CTNNA3: variants seen among roughly 807,000 people sequenced by gnomAD.
The protein encoded by CTNNA3 is catenin alpha 3.
In CTNNA3, 76 loss-of-function variants were observed where a neutral mutation model predicts 95.7. The observed-to-expected ratio is 0.79, with a 90% confidence interval of 0.66 to 0.96. CTNNA3 has a LOEUF of 0.96. CTNNA3 is among the 40% of genes least tolerant of loss of function. CTNNA3 has a pLI of 0.00. For synonymous variants in CTNNA3, 431 were observed against 374.4 expected, an observed-to-expected ratio of 1.15 and a Z score of -1.74; for missense variants, 1,191 against 1,089.8, an observed-to-expected ratio of 1.09 and a Z score of -1.31.
At chr10:66,352,076 AC>A (rs1359578040) in intron 12 of CTNNA3, among the ~76,000 whole-genome samples, 1 of 152,094 alleles carries the variant, frequency 6.6e-6, no homozygotes, top group Non-Finnish European at 1.5e-5. Flanking sequence ...TTTCATTCTG[AC>A]TTAGTTAAGA....
intron 13 of CTNNA3, among the ~76,000 whole-genome samples, chr10:66,114,178 C>A (rs1307613856): frequency 6.6e-6 from 1 of 152,082 alleles, no homozygotes; most frequent in Non-Finnish European, 1.5e-5. Context: ...CAAATAAACT[C>A]TACATATGTG....
At chr10:66,590,109 A>T (rs912366759) in intron 10 of CTNNA3, among the ~76,000 whole-genome samples, 3 of 152,102 alleles carry the variant, frequency 2.0e-5, no homozygotes, top group Non-Finnish European at 4.4e-5. Flanking sequence ...ATAATGTAAA[A>T]TATCTGTTAT....
chr10:66,323,305 C>T (rs985620089), intron 12 of CTNNA3, among the ~76,000 whole-genome samples: 4 of 151,714 alleles, frequency 2.6e-5, no homozygotes, highest in African/African-American at 7.3e-5. Flanking sequence ...ATTTTTTTAA[C>T]ATGCCATTTG....
At chr10:66,476,211 A>G (rs1187515944) in intron 11 of CTNNA3, among the ~76,000 whole-genome samples, 1 of 151,928 alleles carries the variant, frequency 6.6e-6, no homozygotes, top group Non-Finnish European at 1.5e-5. Context: ...TCTTATCAGC[A>G]GGAACGGGGG....
rs192707026 is a variant in CTNNA3 at position 66,637,079 on chromosome 10, A to C, written c.1282-15295T>G. On this transcript the variant is annotated intron_variant, in intron 9 of 17. Coordinates refer to ENST00000433211, the MANE Select transcript of CTNNA3 (RefSeq NM_013266.4). ...CTAAAAATAAGACTGTCATATAAAA[A>C]TGTGTTGATAGAAAACATAGAAGTT... Among the ~76,000 whole-genome samples, 3 of 152,318 alleles carry C rather than the reference A, an allele frequency of 2.0e-5. No homozygotes were observed. The East Asian group carries it at 5.8e-4, about 29-fold the overall frequency.
chr10:67,098,242 CAG>C (rs1161205652), intron 7 of CTNNA3: 2 of 157,656 alleles, frequency 1.3e-5, no homozygotes, highest in East Asian at 1.8e-4. Flanking sequence ...TTGTGTTATT[CAG>C]AGTTACTCAG....
At chr10:66,743,606 T>C (rs972525548) in intron 9 of CTNNA3, among the ~76,000 whole-genome samples, 3 of 152,102 alleles carry the variant, frequency 2.0e-5, no homozygotes, top group Admixed American at 6.6e-5. Flanking sequence ...TGGTGTGAGG[T>C]ACTTCTAGTT....
At chr10:67,097,435 G>A (rs1024155352) in intron 7 of CTNNA3, 3 of 629,410 alleles carry the variant, frequency 4.8e-6, no homozygotes, top group Non-Finnish European at 8.4e-6. Flanking sequence ...TAGGAATAGG[G>A]GGCATTAGCG....
chr10:66,867,156 T>A (rs1366504658), intron 7 of CTNNA3, among the ~76,000 whole-genome samples: 1 of 152,162 alleles, frequency 6.6e-6, no homozygotes. Flanking sequence ...CTCAGGTATG[T>A]CTTCATCAGC....
chr10:67,323,331 A>G (rs1004579681), intron 5 of CTNNA3, among the ~76,000 whole-genome samples: 3 of 152,044 alleles, frequency 2.0e-5, no homozygotes, highest in Non-Finnish European at 4.4e-5. Flanking sequence ...TTTTCTCTTC[A>G]GGGTTTTTAT....
intron 7 of CTNNA3, among the ~76,000 whole-genome samples, chr10:66,796,162 T>TC (rs1841182392): frequency 6.6e-6 from 1 of 152,132 alleles, no homozygotes; most frequent in Non-Finnish European, 1.5e-5. Context: ...AGGCCTAGCG[T>TC]TTGGCCTGTC....
intron 8 of CTNNA3, among the ~76,000 whole-genome samples, chr10:66,769,470 G>A (rs535597524): frequency 6.6e-6 from 1 of 152,338 alleles, no homozygotes; most frequent in African/African-American, 2.4e-5. Flanking sequence ...TCACTATTAT[G>A]AACTACATTA....
At chr10:67,649,284 C>T (rs921465716) in intron 1 of CTNNA3, among the ~76,000 whole-genome samples, 1 of 152,106 alleles carries the variant, frequency 6.6e-6, no homozygotes, top group Admixed American at 6.5e-5. Context: ...GTGAAATTCA[C>T]GACTGGTTTC....
intron 7 of CTNNA3, among the ~76,000 whole-genome samples, chr10:66,789,904 A>C (rs1840901094): frequency 6.6e-6 from 1 of 152,242 alleles, no homozygotes; most frequent in South Asian, 2.1e-4. Context: ...TGTATTTAAG[A>C]AATCAGTGTT....
intron 7 of CTNNA3, among the ~76,000 whole-genome samples, chr10:67,013,750 G>C (rs1852482337): frequency 6.6e-6 from 1 of 152,140 alleles, no homozygotes; most frequent in African/African-American, 2.4e-5. Flanking sequence ...GAGGTTGACA[G>C]TTACTCTGAT....
At chr10:67,709,469 G>C (rs1240025695) in intron 1 of CTNNA3, among the ~76,000 whole-genome samples, 2 of 152,048 alleles carry the variant, frequency 1.3e-5, no homozygotes, top group African/African-American at 4.8e-5. Flanking sequence ...AGTTTCTTTG[G>C]ACTGACAAAG....
In CTNNA3 at chr10:66,168,357, ATT is replaced by A. The variant is rs34153544; in HGVS notation, c.1885-65110_1885-65109del. Among the ~76,000 whole-genome samples the A allele has an allele frequency of 2.9e-3, 434 of 151,798 alleles. 5 individuals carry two copies. Among genetic ancestry groups the A allele is most frequent in the African/African-American group, 9.9e-3 (410 of 41,392 alleles). ...CATCTAGTTAAGGTATCCATTTATT[ATT>A]TTTTTTTAAAAAAATACACATAGTC... On this transcript the variant is annotated intron_variant, in intron 13 of 17. Transcript: ENST00000433211.
At chr10:67,248,678 C>T (rs1402901976) in intron 5 of CTNNA3, among the ~76,000 whole-genome samples, 1 of 152,150 alleles carries the variant, frequency 6.6e-6, no homozygotes, top group East Asian at 1.9e-4. Flanking sequence ...CTGCCAGCCT[C>T]AGCCTCCTGA....
intron 7 of CTNNA3, among the ~76,000 whole-genome samples, chr10:67,088,656 T>G (rs1015767542): frequency 6.6e-6 from 1 of 152,084 alleles, no homozygotes; most frequent in Non-Finnish European, 1.5e-5. Context: ...CAAATAGAAC[T>G]CTTAAGTTTT....
Sources: allele counts gnomAD v4.1 joint callset (sites outside exome capture counted in the v4.1 genomes callset), GRCh38; gene constraint gnomAD v4.1.1; transcripts MANE v1.5; gene names NCBI Gene and HGNC (gene_info 2026-07-23, HGNC 2026-07-21).